SHISAL2A: variants seen among roughly 807,000 people sequenced by gnomAD.
SHISAL2A encodes shisa like 2A, also known as protein shisa-like-2A.
A neutral mutation model predicts 11.5 loss-of-function variants in SHISAL2A; 18 were observed. That is an observed-to-expected ratio of 1.57 (90% confidence interval 1.08 to 2.33). The LOEUF (loss-of-function observed/expected upper bound fraction) is 2.33, where lower values mean the gene tolerates loss of function less well. SHISAL2A is among the 30% of genes most tolerant of loss of function. SHISAL2A has a pLI of 0.00. For missense variants in SHISAL2A, 261 were observed against 250.9 expected (o/e 1.04, Z -0.27); for synonymous variants, 94 against 99.6 (o/e 0.94, Z 0.34).
downstream of SHISAL2A, among the ~76,000 whole-genome samples, chr1:52,658,684 C>T (rs1019860669): frequency 5.3e-5 from 8 of 152,222 alleles, no homozygotes; most frequent in East Asian, 1.2e-3. Context: ...TTAATCTGAT[C>T]GCAAAGGAAT....
intron 2 of SHISAL2A, among the ~76,000 whole-genome samples, 162 bp downstream of exon 2, chr1:52,643,164 CCATCCTAAACTCTT>C (rs1291591098): frequency 6.6e-6 from 1 of 152,192 alleles, no homozygotes; most frequent in Admixed American, 6.5e-5. Flanking sequence ...CTAAACATTT[CCATCCTAAACTCTT>C]CATGTTTACA....
At chr1:52,647,374 T>C (rs1298266727) in intron 2 of SHISAL2A, among the ~76,000 whole-genome samples, 1 of 152,218 alleles carries the variant, frequency 6.6e-6, no homozygotes, top group African/African-American at 2.4e-5. Context: ...GCTGTGACTT[T>C]GTAGAATATA....
At chr1:52,650,433 T>C (rs1450969250) in intron 2 of SHISAL2A, among the ~76,000 whole-genome samples, 1 of 152,182 alleles carries the variant, frequency 6.6e-6, no homozygotes, top group Non-Finnish European at 1.5e-5. Context: ...GTCATTTTTC[T>C]CTCGGCCTCA....
chr1:52,652,411 C>T (rs112147558), intron 2 of SHISAL2A, among the ~76,000 whole-genome samples: 247 of 152,246 alleles, frequency 1.6e-3, no homozygotes, highest in African/African-American at 5.7e-3. Context: ...ATTCGTAATC[C>T]TTTACAAATT....
chr1:52,633,649 C>G lies in SHISAL2A; in HGVS notation c.156C>G (p.Tyr52Ter). ...ACGACCCGCACAGCTTCTTCCCCTA[C>G]GAGCACAGCTACATGTGGTGGCTCA... ...CCDDPHSFFP[Y>*]EHSYMWWLSI... is the part of the protein sequence containing the mutation. Residue 52 changes from tyrosine (Y) to a stop codon, truncating the protein, a stop_gained, in exon 1 of 3, where the codon TAC (tyrosine) becomes TAG (stop). Coordinates refer to ENST00000517870, the MANE Select transcript of SHISAL2A (RefSeq NM_001042693.3). LOFTEE classifies it high-confidence loss of function. This position sits in a 1 kb window ranked among gnomAD's most constrained non-coding sequence, Gnocchi z 6.4. 1.2e-6 allele frequency: 2 copies of G among 1,613,272 alleles called. No individual in the cohort carries two copies. The highest frequency in any genetic ancestry group is 1.7e-6 in the Non-Finnish European group (2 of 1,179,584).
At chr1:52,663,266 G>T (rs538519050) in intron 4 of SHISAL2A, among the ~76,000 whole-genome samples, 8 of 152,226 alleles carry the variant, frequency 5.3e-5, no homozygotes, top group African/African-American at 1.9e-4. Context: ...AGACCCAGAG[G>T]CGTGAGGGAT....
chr1:52,651,432 T>C (rs1691644685), intron 2 of SHISAL2A, among the ~76,000 whole-genome samples: 1 of 152,150 alleles, frequency 6.6e-6, no homozygotes, highest in Non-Finnish European at 1.5e-5. Flanking sequence ...AGACGGGGTT[T>C]CACCATCTTG....
chr1:52,641,766 A>C (rs1691370015), intron 1 of SHISAL2A, among the ~76,000 whole-genome samples: 1 of 151,088 alleles, frequency 6.6e-6, no homozygotes, highest in African/African-American at 2.4e-5. Context: ...ACATAGCAAA[A>C]CCTGGTCTCT....
intron 2 of SHISAL2A, among the ~76,000 whole-genome samples, chr1:52,649,223 A>G (rs963057123): frequency 4.6e-5 from 7 of 152,168 alleles, no homozygotes. Flanking sequence ...TACTGTTGAT[A>G]GACTTTCATT....
intron 2 of SHISAL2A, among the ~76,000 whole-genome samples, chr1:52,656,544 G>A (rs1691793915): frequency 6.6e-6 from 1 of 152,196 alleles, no homozygotes; most frequent in African/African-American, 2.4e-5. Flanking sequence ...TGAAGGTCAA[G>A]TCTTCATAGC....
downstream of SHISAL2A, chr1:52,657,191 G>A (rs1691809919): frequency 9.1e-7 from 1 of 1,102,382 alleles, no homozygotes; most frequent in African/African-American, 1.6e-5. Flanking sequence ...ATACTGTTCT[G>A]CTTGGCCTAT....
intron 4 of SHISAL2A, among the ~76,000 whole-genome samples, chr1:52,663,883 T>C (rs1209182172): frequency 3.3e-5 from 5 of 152,216 alleles, no homozygotes; most frequent in Admixed American, 1.3e-4. Context: ...TTAAGTCCTT[T>C]GTGAACTGAA....
chr1:52,647,345 A>C (rs1413554952), intron 2 of SHISAL2A, among the ~76,000 whole-genome samples: 2 of 152,210 alleles, frequency 1.3e-5, no homozygotes, highest in African/African-American at 4.8e-5. Flanking sequence ...ATAATTCAGT[A>C]TTTGTTAATT....
At position 52,656,879 on chromosome 1, in the gene SHISAL2A, T is replaced by C; in HGVS notation, c.412T>C (p.Ser138Pro). 1 of 1,614,124 alleles carries C rather than the reference T, an allele frequency of 6.2e-7. No individual in the cohort carries two copies. The highest frequency in any genetic ancestry group is 8.5e-7 in the Non-Finnish European group (1 of 1,180,028). Residue 138 changes from serine to proline, a missense_variant, in exon 3 of 3, where the codon TCC becomes CCC. Ser to Pro is a moderately conservative substitution (Grantham distance 74). Transcript: ENST00000517870. ...AGTGAGCCCTCTCCAGCAGAGTTACTCCTGCTTGAACCCGCAGCTGGAGAG... is the reference window on the plus strand; with the variant it reads ...AGTGAGCCCTCTCCAGCAGAGTTACCCCTGCTTGAACCCGCAGCTGGAGAG... ...PKVSPLQQSY[S>P]CLNPQLESNE...
chr1:52,654,670 C>A (rs1357165915), intron 2 of SHISAL2A, among the ~76,000 whole-genome samples: 1 of 152,086 alleles, frequency 6.6e-6, no homozygotes, highest in Non-Finnish European at 1.5e-5. Flanking sequence ...TAAATGTAAA[C>A]CAAAAAACTC....
chr1:52,655,452 C>CAAAAAAAAAAAAAAAAAAAAAA (rs11346128), intron 2 of SHISAL2A, among the ~76,000 whole-genome samples: 3 of 40,130 alleles, frequency 7.5e-5, no homozygotes, highest in Non-Finnish European at 1.3e-4. Flanking sequence ...CCTGTATCTA[C>CAAAAAAAAAAAAAAAAAAAAAA]AAAAAAAAAA....
At chr1:52,647,310 T>G (rs1372260199) in intron 2 of SHISAL2A, among the ~76,000 whole-genome samples, 1 of 152,156 alleles carries the variant, frequency 6.6e-6, no homozygotes, top group Non-Finnish European at 1.5e-5. Context: ...CACAGGAACA[T>G]AACCTTGTAT....
At chr1:52,650,576 A>G (rs1691611746) in intron 2 of SHISAL2A, among the ~76,000 whole-genome samples, 1 of 150,248 alleles carries the variant, frequency 6.7e-6, no homozygotes, top group East Asian at 2.0e-4. Context: ...CATTTTCATT[A>G]TTATTAGGCG....
intron 2 of SHISAL2A, among the ~76,000 whole-genome samples, chr1:52,646,710 C>T (rs1262753392): frequency 6.6e-6 from 1 of 152,182 alleles, no homozygotes; most frequent in Non-Finnish European, 1.5e-5. Context: ...AAGGTATGCT[C>T]TGCCTTCTCT....
Sources: allele counts gnomAD v4.1 joint callset (sites outside exome capture counted in the v4.1 genomes callset), GRCh38; gene constraint gnomAD v4.1.1; non-coding constraint Gnocchi (gnomAD v3.1); transcripts MANE v1.5; gene names NCBI Gene and HGNC (gene_info 2026-07-23, HGNC 2026-07-21).